Variants in STPG2 observed in about 807,000 individuals in gnomAD.
STPG2 encodes sperm tail PG-rich repeat containing 2.
In STPG2, 56 loss-of-function variants were observed where a neutral mutation model predicts 54.2. The observed-to-expected ratio is 1.03, with a 90% confidence interval of 0.83 to 1.29. The LOEUF (loss-of-function observed/expected upper bound fraction) is 1.29, where lower values mean the gene tolerates loss of function less well. Ranked by LOEUF, STPG2 falls within the 50% of genes most tolerant of loss-of-function variation. The pLI is 0.00. For synonymous variants in STPG2, 200 were observed against 181.8 expected (o/e 1.10, Z -0.81); for missense variants, 596 against 544.9 (o/e 1.09, Z -0.93).
chr4:97,941,393 T>C (rs1356837046), intron 8 of STPG2, among the ~76,000 whole-genome samples: 1 of 152,138 alleles, frequency 6.6e-6, no homozygotes, highest in Non-Finnish European at 1.5e-5. Flanking sequence ...GTTTTCTATA[T>C]CAAATAATTA....
At chr4:97,613,987 T>C (rs923411610) in intron 10 of STPG2, among the ~76,000 whole-genome samples, 2 of 152,106 alleles carry the variant, frequency 1.3e-5, no homozygotes, top group Non-Finnish European at 2.9e-5. Flanking sequence ...TAATAATGGC[T>C]TATTGTTCAT....
intron 4 of STPG2, among the ~76,000 whole-genome samples, chr4:97,473,059 T>C (rs1406766685): frequency 2.0e-5 from 3 of 152,208 alleles, no homozygotes; most frequent in Non-Finnish European, 4.4e-5. Flanking sequence ...CTTTAATCTC[T>C]TAATCCTGTC....
intron 10 of STPG2, among the ~76,000 whole-genome samples, chr4:97,653,628 A>C (rs1343013264): frequency 6.6e-6 from 1 of 152,162 alleles, no homozygotes; most frequent in African/African-American, 2.4e-5. Context: ...CTACTTTTGA[A>C]AAAGGACAAA....
intron 1 of STPG2, among the ~76,000 whole-genome samples, chr4:98,138,036 G>A (rs574970152): frequency 3.9e-5 from 6 of 151,970 alleles, no homozygotes; most frequent in Non-Finnish European, 7.4e-5. Context: ...CAGTGAGGGT[G>A]ACCAATTAAC....
chr4:97,913,916 CT>C (rs1560586716), intron 8 of STPG2, among the ~76,000 whole-genome samples: 1 of 151,982 alleles, frequency 6.6e-6, no homozygotes. Flanking sequence ...TACTTCCTGA[CT>C]TTGAGTGTTT....
At chr4:98,021,698 C>T (rs962238047) in intron 5 of STPG2, among the ~76,000 whole-genome samples, 2 of 151,778 alleles carry the variant, frequency 1.3e-5, no homozygotes, top group African/African-American at 2.4e-5. Context: ...AATCTGGGTG[C>T]TCCTGTATTG....
At chr4:97,475,385 T>G (rs984743488) in intron 4 of STPG2, among the ~76,000 whole-genome samples, 15 of 151,292 alleles carry the variant, frequency 9.9e-5, no homozygotes, top group Non-Finnish European at 1.6e-4. Flanking sequence ...TTCTTAGAAA[T>G]CTTCACTCTT....
chr4:97,982,762 T>C (rs1405969787), intron 5 of STPG2, among the ~76,000 whole-genome samples: 2 of 152,192 alleles, frequency 1.3e-5, no homozygotes, highest in East Asian at 1.9e-4. Flanking sequence ...TTTTGTATAA[T>C]AGAACCTTAC....
chr4:97,722,894 T>G (rs1187910479), intron 9 of STPG2, among the ~76,000 whole-genome samples: 2 of 150,248 alleles, frequency 1.3e-5, no homozygotes, highest in African/African-American at 4.9e-5. Flanking sequence ...GTCTCCCGGG[T>G]TCACGCCATT....
intron 10 of STPG2, among the ~76,000 whole-genome samples, chr4:97,618,231 G>T (rs182734656): frequency 6.6e-6 from 1 of 152,036 alleles, no homozygotes; most frequent in South Asian, 2.1e-4. Context: ...CTTAGAATGC[G>T]CCTTTTTGGG....
intron 5 of STPG2, among the ~76,000 whole-genome samples, chr4:98,054,580 A>T (rs917861400): frequency 6.6e-6 from 1 of 152,176 alleles, no homozygotes; most frequent in Non-Finnish European, 1.5e-5. Context: ...GTTATTAAAA[A>T]TTTTAATCTT....
At chr4:97,533,136 C>T (rs1310341324) in intron 4 of STPG2, among the ~76,000 whole-genome samples, 1 of 152,122 alleles carries the variant, frequency 6.6e-6, no homozygotes, top group African/African-American at 2.4e-5. Context: ...CCGCCTCGGC[C>T]TCCCAAAGTG....
intron 8 of STPG2, among the ~76,000 whole-genome samples, chr4:97,877,636 C>T (rs1201378998): frequency 2.0e-5 from 3 of 152,060 alleles, no homozygotes; most frequent in South Asian, 2.1e-4. Context: ...GGGGAAACTG[C>T]CCCCATGATT....
At chr4:97,595,186 A>G (rs550209982) in intron 10 of STPG2, among the ~76,000 whole-genome samples, 2 of 152,320 alleles carry the variant, frequency 1.3e-5, no homozygotes, top group South Asian at 4.1e-4. Flanking sequence ...AATAGCAAAG[A>G]CTTGGAACCA....
chr4:97,550,240 A>T (rs985363076), intron 4 of STPG2, among the ~76,000 whole-genome samples: 4 of 152,032 alleles, frequency 2.6e-5, no homozygotes, highest in Admixed American at 1.3e-4. Flanking sequence ...ATGTTGTCTG[A>T]TCTGTGGTAT....
chr4:97,492,140 C>T (rs1240883294), intron 4 of STPG2, among the ~76,000 whole-genome samples: 5 of 151,430 alleles, frequency 3.3e-5, no homozygotes, highest in African/African-American at 4.8e-5. Flanking sequence ...AGATACAAAT[C>T]TAAAAAATAT....
intron 9 of STPG2, among the ~76,000 whole-genome samples, chr4:97,724,337 C>A (rs1249528342): frequency 6.6e-6 from 1 of 152,120 alleles, no homozygotes; most frequent in South Asian, 2.1e-4. Flanking sequence ...AAACTGATAT[C>A]TTGACTATAT....
At chr4:98,056,742 G>T (rs989964798) in intron 5 of STPG2, among the ~76,000 whole-genome samples, 1 of 152,166 alleles carries the variant, frequency 6.6e-6, no homozygotes, top group African/African-American at 2.4e-5. Context: ...CCTGGTAGGA[G>T]GTGGTTGGAT....
chr4:97,803,178 G>A (rs1727449360), intron 9 of STPG2, among the ~76,000 whole-genome samples: 1 of 152,014 alleles, frequency 6.6e-6, no homozygotes, highest in Non-Finnish European at 1.5e-5. Context: ...ATGTAACCAT[G>A]GCCACCATCC....
Sources: allele counts gnomAD v4.1 joint callset (sites outside exome capture counted in the v4.1 genomes callset), GRCh38; gene constraint gnomAD v4.1.1; transcripts MANE v1.5; gene names NCBI Gene and HGNC (gene_info 2026-07-23, HGNC 2026-07-21).